The following SPART variants were observed in gnomAD, a reference collection of about 807,000 sequenced individuals.
SPART encodes the protein spartin, also known as spastic paraplegia 20 (Troyer syndrome).
In SPART, 35 loss-of-function variants were observed where a neutral mutation model predicts 58.7. The observed-to-expected ratio is 0.60, with a 90% CI of 0.46 to 0.79. The LOEUF is 0.79. SPART is among the 30% of genes least tolerant of loss of function. The probability of loss-of-function intolerance (pLI) is 0.00; values close to 1 mark genes in which losing one functional copy is unlikely to be tolerated. For missense variants in SPART, 730 were observed against 786.1 expected (o/e 0.93, Z 0.85); for synonymous variants, 284 against 280.7 (o/e 1.01, Z -0.12).
upstream of SPART, chr13:36,346,401 C>A (rs568919570): frequency 6.6e-6 from 1 of 152,200 alleles, no homozygotes; most frequent in African/African-American, 2.4e-5. Flanking sequence ...AGACGTTCCA[C>A]GACGCGCGCT....
intron 1 of SPART, chr13:36,360,717 A>G (rs2137719185): frequency 6.5e-6 from 1 of 153,002 alleles, no homozygotes; most frequent in East Asian, 1.9e-4. Flanking sequence ...AACTTGCCAG[A>G]TAAAAGTTTG....
Position 36,326,631 on chromosome 13 carries a change from T to A in SPART, c.1232A>T (p.Glu411Val), listed in dbSNP as rs556429175. Residue 411 changes from glutamate to valine, a missense_variant, in exon 5 of 9, where the codon GAA (glutamate) becomes GTA (valine). Glu to Val is a moderately radical substitution (Grantham distance 121). Coordinates refer to ENST00000438666, the MANE Select transcript of SPART (RefSeq NM_015087.5). Reference sequence around the variant, plus strand: ...CCATTCAGGTAATTCTTTTGGCTTTTCTTCTGGAACTGGCTCACATGGTAC... The same window carrying A: ...CCATTCAGGTAATTCTTTTGGCTTTACTTCTGGAACTGGCTCACATGGTAC... ...HIVPCEPVPE[E>V]KPKELPEWSE... 3 of 1,613,578 alleles carry A rather than the reference T, an allele frequency of 1.9e-6. No homozygotes were observed. The East Asian group carries it at 6.7e-5, about 36-fold the overall frequency.
chr13:36,320,378 C>T (rs922220301), intron 5 of SPART, among the ~76,000 whole-genome samples: 19 of 152,100 alleles, frequency 1.2e-4, no homozygotes, highest in African/African-American at 4.1e-4. Context: ...CACCCCATTT[C>T]CCCAAATTTC....
intron 5 of SPART, among the ~76,000 whole-genome samples, chr13:36,319,164 C>G (rs1397542764): frequency 1.3e-5 from 2 of 149,954 alleles, no homozygotes; most frequent in Non-Finnish European, 3.0e-5. Context: ...CTCTTTTAAG[C>G]ACTCCTTTTT....
intron 1 of SPART, among the ~76,000 whole-genome samples, chr13:36,357,897 C>T (rs779398609): frequency 2.0e-5 from 3 of 152,110 alleles, no homozygotes; most frequent in Non-Finnish European, 4.4e-5. Flanking sequence ...GGGAGAATTC[C>T]CATTCCAGAA....
chr13:36,333,205 A>G (rs924894211), intron 2 of SPART, among the ~76,000 whole-genome samples: 2 of 152,074 alleles, frequency 1.3e-5, no homozygotes, highest in Non-Finnish European at 2.9e-5. Flanking sequence ...TCATTTTCAG[A>G]GGGCAATCTC....
intron 1 of SPART, among the ~76,000 whole-genome samples, chr13:36,351,900 A>G (rs1404636338): frequency 1.3e-5 from 2 of 152,226 alleles, no homozygotes; most frequent in African/African-American, 4.8e-5. Context: ...TATATCACAT[A>G]ATGATGAATA....
intron 2 of SPART, among the ~76,000 whole-genome samples, chr13:36,333,576 G>A (rs570438658): frequency 6.6e-6 from 1 of 151,754 alleles, no homozygotes; most frequent in South Asian, 2.1e-4. Context: ...TTTACTTTTC[G>A]TTTAGGACAA....
intron 4 of SPART, 79 bp from the exon 5 acceptor site, chr13:36,326,777 G>T: frequency 6.7e-7 from 1 of 1,483,276 alleles, no homozygotes. Flanking sequence ...TAACAAATAT[G>T]AAGCCAACAA....
chr13:36,345,112 C>T (rs895135652), intron 1 of SPART, among the ~76,000 whole-genome samples: 15 of 152,184 alleles, frequency 9.9e-5, no homozygotes, highest in African/African-American at 3.1e-4. Context: ...CTCCTTAGAG[C>T]TAGCACAAGT....
intron 4 of SPART, among the ~76,000 whole-genome samples, chr13:36,328,438 C>T (rs1166790035): frequency 6.6e-6 from 1 of 152,166 alleles, no homozygotes; most frequent in East Asian, 1.9e-4. Flanking sequence ...CTTTATCCTT[C>T]AAGACTCATT....
At chr13:36,339,090 TA>T (rs372497902) in intron 1 of SPART, among the ~76,000 whole-genome samples, 57 of 140,632 alleles carry the variant, frequency 4.1e-4, no homozygotes, top group South Asian at 2.5e-3. Context: ...GCAGGAAACG[TA>T]AAAAAAAAAA....
intron 4 of SPART, among the ~76,000 whole-genome samples, chr13:36,327,589 TTA>T (rs1358159476): frequency 6.6e-6 from 1 of 152,156 alleles, no homozygotes; most frequent in Non-Finnish European, 1.5e-5. Context: ...GAACAAAACA[TTA>T]TGTTTTACAT....
At chr13:36,362,212 A>G (rs185194231) in intron 1 of SPART, among the ~76,000 whole-genome samples, 213 of 152,094 alleles carry the variant, frequency 1.4e-3, no homozygotes, top group African/African-American at 4.6e-3. Context: ...TTAGCTGGGC[A>G]TGGTGGCGCA....
At chr13:36,322,797 A>G (rs1366096998) in intron 5 of SPART, among the ~76,000 whole-genome samples, 1 of 152,166 alleles carries the variant, frequency 6.6e-6, no homozygotes, top group Non-Finnish European at 1.5e-5. Flanking sequence ...ATACCCATCA[A>G]AGTATAAATT....
At chr13:36,367,354 T>C (rs74045307) in intron 1 of SPART, among the ~76,000 whole-genome samples, 1,928 of 152,068 alleles carry the variant, frequency 0.013, 29 homozygotes, top group African/African-American at 0.044. Flanking sequence ...ATTAAAAGGG[T>C]AGGGTGGGAG....
In SPART at chr13:36,312,170, C is replaced by G; in HGVS notation, c.1708G>C (p.Glu570Gln). The G allele has an allele frequency of 6.2e-7, 1 of 1,614,042 alleles. No individual in the cohort carries two copies. The highest frequency in any genetic ancestry group is 8.5e-7 in the Non-Finnish European group (1 of 1,179,884). The change falls in exon 8 of 9, where the codon GAA becomes CAA. Residue 570 changes from glutamate (E) to glutamine (Q), a missense_variant. Coordinates refer to ENST00000438666, the MANE Select transcript of SPART (RefSeq NM_015087.5). The part of the protein sequence containing the change: ...AKCIVNNVSA[E>Q]TVQTVRYKYG... ...TTGTATCTGACAGTTTGTACAGTTTCTGCTGAAACATTGTTAACGATGCAT... is the reference window on the plus strand; with the variant it reads ...TTGTATCTGACAGTTTGTACAGTTTGTGCTGAAACATTGTTAACGATGCAT...
chr13:36,309,713 CTG>C (rs1880898725), intron 8 of SPART, among the ~76,000 whole-genome samples: 1 of 152,044 alleles, frequency 6.6e-6, no homozygotes, highest in African/African-American at 2.4e-5. Context: ...ACAATAGACA[CTG>C]GGGATTACTA....
intron 1 of SPART, among the ~76,000 whole-genome samples, chr13:36,367,514 G>C (rs1886108361): frequency 6.6e-6 from 1 of 151,978 alleles, no homozygotes; most frequent in African/African-American, 2.4e-5. Flanking sequence ...TTTGGCTTTG[G>C]AGACCCATCC....
Sources: allele counts gnomAD v4.1 joint callset (sites outside exome capture counted in the v4.1 genomes callset), GRCh38; gene constraint gnomAD v4.1.1; transcripts MANE v1.5; gene names NCBI Gene and HGNC (gene_info 2026-07-23, HGNC 2026-07-21).